The following TJP2 variants were observed in gnomAD, a reference collection of about 807,000 sequenced individuals.
The protein encoded by TJP2 is tight junction protein 2, also known as Friedreich ataxia region gene X104 (tight junction protein ZO-2).
TJP2 carries 91 observed loss-of-function variants against 133.1 expected under a neutral mutation model. That is an observed-to-expected ratio of 0.68 (90% CI 0.58 to 0.81). The LOEUF is 0.81. TJP2 is among the 40% of genes least tolerant of loss of function. TJP2 has a pLI of 0.00. For synonymous variants in TJP2, 592 were observed against 583.4 expected, an observed-to-expected ratio of 1.01 and a Z score of -0.21; for missense variants, 1,541 against 1,565.6, an observed-to-expected ratio of 0.98 and a Z score of 0.26.
In TJP2 at chr9:69,245,789, T is replaced by C. The variant is rs77876476; in HGVS notation, c.2567-901T>C. Among the ~76,000 whole-genome samples the C allele has an allele frequency of 9.5e-4, 144 of 152,366 alleles. 1 individual carries two copies. Among genetic ancestry groups the C allele is most frequent in the African/African-American group, 3.2e-3 (133 of 41,578 alleles). ...AGGTACTTGGAAAGTAACTGGTTGA[T>C]GCATAGTAAGTGCTATTATGTAAGA... On this transcript the variant is annotated intron_variant, in intron 17 of 22. Coordinates refer to ENST00000377245, the MANE Select transcript of TJP2 (RefSeq NM_004817.4).
chr9:69,228,441 A>G (rs1829512272), intron 9 of TJP2, among the ~76,000 whole-genome samples: 1 of 152,152 alleles, frequency 6.6e-6, no homozygotes, highest in South Asian at 2.1e-4. Flanking sequence ...GATCAGTTGT[A>G]CCCCAAACCT....
intron 1 of TJP2, among the ~76,000 whole-genome samples, chr9:69,177,635 T>A (rs750280692): frequency 2.8e-4 from 42 of 149,912 alleles, no homozygotes; most frequent in Admixed American, 4.6e-4. Context: ...GTTTTAATTT[T>A]ATTTTTGTTT....
At chr9:69,140,556 G>C (rs1389678165) in intron 1 of TJP2, among the ~76,000 whole-genome samples, 2 of 152,184 alleles carry the variant, frequency 1.3e-5, no homozygotes, top group Non-Finnish European at 2.9e-5. Flanking sequence ...ACCCGGTATA[G>C]TCACTACCAA....
intron 1 of TJP2, among the ~76,000 whole-genome samples, chr9:69,196,608 TA>T (rs59163963): frequency 0.42 from 63,900 of 151,968 alleles, 13,815 homozygotes; most frequent in East Asian, 0.63. Context: ...ATCTTTTTTT[TA>T]AAAACAGCTT....
intron 2 of TJP2, among the ~76,000 whole-genome samples, chr9:69,162,008 T>C (rs11145501): frequency 0.83 from 124,345 of 149,502 alleles, 51,803 homozygotes; most frequent in Admixed American, 0.85. Flanking sequence ...CATGCCATGG[T>C]ACTCCAGTCT....
intron 1 of TJP2, chr9:69,121,991 C>T (rs1822166232): frequency 6.6e-6 from 1 of 152,410 alleles, no homozygotes; most frequent in South Asian, 2.1e-4. Flanking sequence ...CTTCATCGGG[C>T]ATTTACTTTT....
chr9:69,187,834 A>T (rs1481381360), intron 1 of TJP2, among the ~76,000 whole-genome samples: 3 of 152,154 alleles, frequency 2.0e-5, no homozygotes, highest in Non-Finnish European at 4.4e-5. Flanking sequence ...TGAAAGGAAG[A>T]GAAGGGAGAA....
At chr9:69,169,991 C>A (rs1392648353), upstream of TJP2, among the ~76,000 whole-genome samples, 2 of 152,096 alleles carry the variant, frequency 1.3e-5, no homozygotes, top group East Asian at 1.9e-4. Flanking sequence ...CAGGCACATG[C>A]TACCATGCCC....
chr9:69,157,900 C>T lies in TJP2; in HGVS notation c.-10+6129C>T, dbSNP rs551829346. ...TCCTTGGAAATCTGTGATGTCTGGA[C>T]ATCTTAAGCATAGCATGTAGATGAG... On this transcript the variant is annotated intron_variant, in intron 2 of 5. Transcript: ENST00000423935. 8.5e-5 allele frequency among the ~76,000 whole-genome samples: 13 copies of T among 152,294 alleles called. 1 individual carries two copies. The South Asian group carries it at 2.7e-3, about 32-fold the overall frequency.
At chr9:69,233,626 AT>A (rs2133366629) in intron 11 of TJP2, among the ~76,000 whole-genome samples, 1 of 152,268 alleles carries the variant, frequency 6.6e-6, no homozygotes, top group South Asian at 2.1e-4. Flanking sequence ...TACAAAAAAA[AT>A]TAGCTGGGTG....
chr9:69,128,667 C>CAT (rs1822356698), intron 1 of TJP2, among the ~76,000 whole-genome samples: 1 of 151,928 alleles, frequency 6.6e-6, no homozygotes, highest in African/African-American at 2.4e-5. Flanking sequence ...GGACTACAGG[C>CAT]GCCCAACACC....
intron 2 of TJP2, among the ~76,000 whole-genome samples, chr9:69,215,039 A>G (rs967580846): frequency 1.3e-5 from 2 of 152,328 alleles, no homozygotes; most frequent in East Asian, 1.9e-4. Flanking sequence ...CCTGGAGGCC[A>G]TTATCCTAAG....
intron 1 of TJP2, among the ~76,000 whole-genome samples, chr9:69,143,309 C>T (rs1263829185): frequency 6.6e-6 from 1 of 152,206 alleles, no homozygotes; most frequent in Non-Finnish European, 1.5e-5. Flanking sequence ...AGAACAGCTT[C>T]CAATGGGTAA....
chr9:69,162,187 G>A (rs1442601360), intron 2 of TJP2, among the ~76,000 whole-genome samples: 1 of 146,642 alleles, frequency 6.8e-6, no homozygotes, highest in African/African-American at 2.5e-5. Flanking sequence ...GTATAATTTT[G>A]TATTATATAT....
chr9:69,153,194 C>T (rs1361824111), intron 2 of TJP2, among the ~76,000 whole-genome samples: 2 of 152,070 alleles, frequency 1.3e-5, no homozygotes, highest in Non-Finnish European at 2.9e-5. Flanking sequence ...AATTGCACCA[C>T]TGCACCCCAG....
At chr9:69,132,626 A>G (rs1822546700) in intron 1 of TJP2, among the ~76,000 whole-genome samples, 1 of 152,202 alleles carries the variant, frequency 6.6e-6, no homozygotes, top group African/African-American at 2.4e-5. Context: ...TTCATTCTTA[A>G]CAGGCGCTTA....
At chr9:69,225,732 G>C (rs1829295312) in intron 6 of TJP2, among the ~76,000 whole-genome samples, 1 of 152,174 alleles carries the variant, frequency 6.6e-6, no homozygotes, top group South Asian at 2.1e-4. Flanking sequence ...ATATTTAATA[G>C]GTCTTGTAAA....
rs149042056 is a variant in TJP2, at chr9:69,140,368, T to C, written c.-130-11283T>C. Among the ~76,000 whole-genome samples, 1,473 of 152,282 alleles carry C rather than the reference T, an allele frequency of 9.7e-3. 12 individuals carry two copies. The highest frequency in any genetic ancestry group is 0.02 in the Middle Eastern group (6 of 294). ...TTTACAGATAACTGAGGCAGAGACA[T>C]TGACTCTTCCAAAGCCACACAGCTA... On this transcript the variant is annotated intron_variant, in intron 1 of 5. Coordinates refer to the TJP2 transcript ENST00000423935.
intron 1 of TJP2, among the ~76,000 whole-genome samples, chr9:69,189,132 T>C (rs1303486995): frequency 6.6e-6 from 1 of 152,188 alleles, no homozygotes; most frequent in Non-Finnish European, 1.5e-5. Context: ...GTTAAAGAGA[T>C]AATTTTGATT....
Sources: gnomAD v4.1 joint callset for allele counts (sites outside exome capture counted in the v4.1 genomes callset) on GRCh38, gnomAD v4.1.1 for gene constraint, MANE v1.5 for transcripts, NCBI Gene and HGNC (gene_info 2026-07-23, HGNC 2026-07-21) for gene names.